The following AP1M1 variants were observed in gnomAD, a reference collection of about 807,000 sequenced individuals.
The protein encoded by AP1M1 is AP-1 complex subunit mu-1.
In AP1M1, 18 loss-of-function variants were observed where a neutral mutation model predicts 57.1. That is an observed-to-expected ratio of 0.32 (90% CI 0.22 to 0.47). The LOEUF (loss-of-function observed/expected upper bound fraction) is 0.47. AP1M1 is among the 20% of genes least tolerant of loss of function. AP1M1 has a pLI of 1.00. For missense variants in AP1M1, 362 were observed against 593.5 expected (o/e 0.61, Z 4.05); for synonymous variants, 241 against 237.9 (o/e 1.01, Z -0.12).
At position 16,228,279 on chromosome 19, in the gene AP1M1, G is replaced by T; in HGVS notation, c.888+71G>T. 6.6e-7 allele frequency: 1 copy of T among 1,508,642 alleles called. No homozygotes were observed. The highest frequency in any genetic ancestry group is 9.1e-7 in the Non-Finnish European group (1 of 1,099,798). 93.5% of individuals were successfully genotyped at this position (1,508,642 alleles called of 1,614,324 possible). Reference sequence around the variant, plus strand: ...GCCCGTCCCAGGAGCCTAACCGAGGGCTGGGGGTGCCGTAGGGCTGCCATC... The same window carrying T: ...GCCCGTCCCAGGAGCCTAACCGAGGTCTGGGGGTGCCGTAGGGCTGCCATC... On this transcript the variant is annotated intron_variant, in intron 8 of 11. Transcript: ENST00000291439. The surrounding 1 kb of genome is among the most constrained non-coding windows in gnomAD (Gnocchi z 5.0).
intron 9 of AP1M1, among the ~76,000 whole-genome samples, chr19:16,231,097 G>A (rs1485013470): frequency 2.0e-5 from 3 of 151,860 alleles, no homozygotes; most frequent in Non-Finnish European, 4.4e-5. Flanking sequence ...GACCATCCTG[G>A]CTAACATGGT....
At chr19:16,211,238 C>T (rs1056095935) in intron 5 of AP1M1, among the ~76,000 whole-genome samples, 11 of 152,068 alleles carry the variant, frequency 7.2e-5, no homozygotes, top group Admixed American at 3.3e-4. Context: ...GGATTACAGA[C>T]GCATGCCACC....
intron 5 of AP1M1, among the ~76,000 whole-genome samples, chr19:16,215,638 T>C (rs1415406134): frequency 6.6e-6 from 1 of 152,054 alleles, no homozygotes; most frequent in Admixed American, 6.6e-5. Context: ...ATCTGATGAT[T>C]ATGTGTTTTG....
rs1484505122 is a variant in AP1M1 at position 16,206,929 on chromosome 19, T to G, written c.267+521T>G. On this transcript the variant is annotated intron_variant, in intron 3 of 11. Transcript: ENST00000291439. This position sits in a 1 kb window ranked among gnomAD's most constrained non-coding sequence, Gnocchi z 4.3. ...GCAGCTAGGGAGGCCAGCGTGCGTG[T>G]GGCAGAGTATGAGGCTGAGGTCAGC... Among the ~76,000 whole-genome samples the G allele has an allele frequency of 6.6e-6, 1 of 152,184 alleles. No individual in the cohort carries two copies. Among genetic ancestry groups the G allele is most frequent in the African/African-American group, 2.4e-5 (1 of 41,440 alleles).
In AP1M1 at chr19:16,207,457, G is replaced by T. The variant is rs1370136285; in HGVS notation, c.268-562G>T. The stretch of plus-strand genomic sequence containing the variant: ...AGCGCGCAGGGGTCAGCAGATCAGA[G>T]AATGGGGGATGCGGGAAGGGGAAGG... On this transcript the variant is annotated intron_variant, in intron 3 of 11. Coordinates refer to ENST00000291439, the MANE Select transcript of AP1M1 (RefSeq NM_032493.4). This position sits in a 1 kb window ranked among gnomAD's most constrained non-coding sequence, Gnocchi z 4.2. 6.6e-6 allele frequency among the ~76,000 whole-genome samples: 1 copy of T among 152,146 alleles called. No homozygotes were observed. The highest frequency in any genetic ancestry group is 1.5e-5 in the Non-Finnish European group (1 of 68,022).
At position 16,228,922 on chromosome 19, in the gene AP1M1, C is replaced by T; in HGVS notation, c.1041C>T (p.Ser347=). ...ENSEIVWSIK[S]FPGGKEYLMR... ...GCGAGATCGTGTGGTCCATCAAGTC[C>T]TTCCCGGTGAGCACTCTGTCCAGAC... Residue 347 remains serine (S), a synonymous_variant, in exon 9 of 12, where the codon TCC becomes TCT. Transcript: ENST00000291439. This position sits in a 1 kb window ranked among gnomAD's most constrained non-coding sequence, Gnocchi z 5.0. 6.2e-7 allele frequency: 1 copy of T among 1,613,972 alleles called. No individual in the cohort carries two copies. The highest frequency in any genetic ancestry group is 8.5e-7 in the Non-Finnish European group (1 of 1,179,904).
chr19:16,200,648 G>A (rs547327256), intron 1 of AP1M1, among the ~76,000 whole-genome samples: 97 of 152,278 alleles, frequency 6.4e-4, no homozygotes, highest in South Asian at 3.9e-3. Flanking sequence ...TCATGGCCAC[G>A]TGTCTGGTCA....
chr19:16,206,485 C>A lies in AP1M1; in HGVS notation c.267+77C>A. 1 of 1,484,422 alleles carries A rather than the reference C, an allele frequency of 6.7e-7. No individual in the cohort carries two copies. The highest frequency in any genetic ancestry group is 9.4e-7 in the Non-Finnish European group (1 of 1,065,300). 92.0% of individuals were successfully genotyped at this position (1,484,422 alleles called of 1,614,324 possible). ...TGCTTGTGGACCTCCCCATACCTGG[C>A]CACCCTACAGAGAGCTGTGGCATCC... On this transcript the variant is annotated intron_variant, in intron 3 of 11. Transcript: ENST00000291439. The surrounding 1 kb of genome is among the most constrained non-coding windows in gnomAD (Gnocchi z 4.3).
intron 5 of AP1M1, chr19:16,210,358 A>T: frequency 2.8e-6 from 2 of 718,344 alleles, no homozygotes; most frequent in Non-Finnish European, 5.2e-6. Flanking sequence ...TCATCTCTCT[A>T]GGGTAAATAC....
intron 1 of AP1M1, 94 bp downstream of exon 1, chr19:16,198,162 A>T: frequency 7.0e-7 from 1 of 1,428,156 alleles, no homozygotes; most frequent in Non-Finnish European, 9.6e-7. Flanking sequence ...CCGGCTTATG[A>T]GCCCCATCCT....
chr19:16,210,740 A>T (rs879826352), intron 5 of AP1M1, among the ~76,000 whole-genome samples: 2 of 151,614 alleles, frequency 1.3e-5, no homozygotes, highest in Admixed American at 1.3e-4. Context: ...TTGTATTTTT[A>T]CTAGAGACGG....
intron 9 of AP1M1, among the ~76,000 whole-genome samples, chr19:16,231,502 C>T (rs2091597958): frequency 6.6e-6 from 1 of 151,924 alleles, no homozygotes; most frequent in South Asian, 2.1e-4. Flanking sequence ...ATGATCTCGG[C>T]TTGCTGCAAC....
chr19:16,217,990 G>A (rs1347118331), intron 5 of AP1M1, among the ~76,000 whole-genome samples: 5 of 152,210 alleles, frequency 3.3e-5, no homozygotes, highest in Non-Finnish European at 5.9e-5. Context: ...TGCCATTGCC[G>A]TGGCAACACT....
chr19:16,216,306 G>A (rs2091518772), intron 5 of AP1M1, among the ~76,000 whole-genome samples: 1 of 152,158 alleles, frequency 6.6e-6, no homozygotes, highest in Non-Finnish European at 1.5e-5. Flanking sequence ...TTAGCCGGGT[G>A]TGGTGGCGGG....
intron 5 of AP1M1, among the ~76,000 whole-genome samples, chr19:16,213,208 T>TA (rs1235405879): frequency 1.3e-5 from 2 of 152,190 alleles, no homozygotes; most frequent in East Asian, 3.8e-4. Flanking sequence ...CTCCCACTGT[T>TA]ATTGTGTGGG....
chr19:16,208,727 C>A lies in AP1M1; in HGVS notation c.399-303C>A, dbSNP rs1568348920. On this transcript the variant is annotated intron_variant, in intron 4 of 11. Coordinates refer to ENST00000291439, the MANE Select transcript of AP1M1 (RefSeq NM_032493.4). Reference sequence around the variant, plus strand: ...CCACGTGCTCAGCAGGGACGGGAAGCAGCTCACACCCACTTCTTGTTTTCC... The same window carrying A: ...CCACGTGCTCAGCAGGGACGGGAAGAAGCTCACACCCACTTCTTGTTTTCC... 9 of 285,608 alleles carry A rather than the reference C, an allele frequency of 3.2e-5. No homozygotes were observed. In the East Asian group the frequency reaches 6.0e-4, roughly 19 times the overall value. 17.7% of individuals were successfully genotyped at this position (285,608 alleles called of 1,614,324 possible).
At chr19:16,232,506 G>A (rs1002572949) in intron 9 of AP1M1, among the ~76,000 whole-genome samples, 1 of 152,238 alleles carries the variant, frequency 6.6e-6, no homozygotes, top group Non-Finnish European at 1.5e-5. Flanking sequence ...GTCACCGAGC[G>A]GGTTTGTTCC....
intron 5 of AP1M1, among the ~76,000 whole-genome samples, chr19:16,213,224 A>T (rs1196391932): frequency 6.6e-6 from 1 of 152,182 alleles, no homozygotes; most frequent in Non-Finnish European, 1.5e-5. Flanking sequence ...GTGGGAGTCT[A>T]AGTCTCTTTG....
rs1439899014 is a variant in AP1M1, at chr19:16,235,686, C to G, written c.*1251C>G. On this transcript the variant is annotated 3_prime_UTR_variant, in exon 12 of 12. Coordinates refer to ENST00000291439, the MANE Select transcript of AP1M1 (RefSeq NM_032493.4). Reference sequence around the variant, plus strand: ...TGTCCACAGCAGCATCCCCTGTGTCCTAGCTAGAAATGCAGGTTCGTGGGC... The same window carrying G: ...TGTCCACAGCAGCATCCCCTGTGTCGTAGCTAGAAATGCAGGTTCGTGGGC... The G allele has an allele frequency of 6.6e-6, 1 of 152,314 alleles. No homozygotes were observed. The highest frequency in any genetic ancestry group is 1.5e-5 in the Non-Finnish European group (1 of 68,088). The allele number at this position is 152,314 out of a possible 1,614,324, so 9.4% of individuals were successfully genotyped here.
Sources: allele counts gnomAD v4.1 joint callset (sites outside exome capture counted in the v4.1 genomes callset), GRCh38; gene constraint gnomAD v4.1.1; non-coding constraint Gnocchi (gnomAD v3.1); transcripts MANE v1.5; gene names NCBI Gene and HGNC (gene_info 2026-07-23, HGNC 2026-07-21).